Variants in DDX11 observed in about 807,000 individuals in gnomAD.
DDX11 encodes the protein DEAD/H-box helicase 11.
DDX11 carries 72 observed loss-of-function variants against 125.2 expected under a neutral mutation model. The observed-to-expected ratio is 0.58, with a 90% CI of 0.48 to 0.70. The LOEUF (loss-of-function observed/expected upper bound fraction) is 0.70, where lower values mean the gene tolerates loss of function less well. Ranked by LOEUF, DDX11 falls within the 30% of genes least tolerant of loss-of-function variation. The pLI, the probability that DDX11 is intolerant of heterozygous loss-of-function variation, is 0.00. For synonymous variants in DDX11, 347 were observed against 452.6 expected, an observed-to-expected ratio of 0.77 and a Z score of 2.96; for missense variants, 883 against 1,165.0, an observed-to-expected ratio of 0.76 and a Z score of 3.52.
intron 1 of DDX11, among the ~76,000 whole-genome samples, chr12:31,077,574 G>A (rs1940914507): frequency 2.0e-5 from 3 of 152,086 alleles, no homozygotes; most frequent in African/African-American, 7.2e-5. Flanking sequence ...TAGGCCGGGT[G>A]CGGTGGCTCA....
Position 31,101,951 on chromosome 12 carries a change from G to C in DDX11, c.2171G>C (p.Gly724Ala), listed in dbSNP as rs753550805. The C allele has an allele frequency of 1.2e-6, 2 of 1,613,298 alleles. No individual in the cohort carries two copies. Among genetic ancestry groups the C allele is most frequent in the Non-Finnish European group, 1.7e-6 (2 of 1,179,758 alleles). ...RQVHAHWEKG[G>A]LLGRLAARKK... is the part of the protein sequence containing the mutation. ...GTCCATGCCCACTGGGAGAAGGGTG[G>C]CCTGCTGGGCCGTCTGGCTGCCAGG... Residue 724 changes from glycine (G) to alanine (A), a missense_variant, in exon 21 of 27, where the codon GGC (glycine) becomes GCC (alanine). Physicochemically the swap from Gly to Ala is moderately conservative, Grantham distance 60 (BLOSUM62 0). Transcript: ENST00000542838.
chr12:31,102,401 A>C (rs1228037917), intron 22 of DDX11, 26 bp from the exon 23 acceptor site: 1 of 1,612,460 alleles, frequency 6.2e-7, no homozygotes, highest in African/African-American at 1.3e-5. Flanking sequence ...TGGCTCAGCA[A>C]CTCAGCGTCT....
chr12:31,077,880 A>G, intron 1 of DDX11: 1 of 265,090 alleles, frequency 3.8e-6, no homozygotes, highest in Non-Finnish European at 7.4e-6. Flanking sequence ...CGTGTATGTT[A>G]ACTTGCGCTA....
At chr12:31,098,508 A>G (rs181704995) in intron 18 of DDX11, among the ~76,000 whole-genome samples, 135 of 152,354 alleles carry the variant, frequency 8.9e-4, no homozygotes, top group African/African-American at 3.0e-3. Context: ...GCTGGATTCC[A>G]GTTACACAGA....
At chr12:31,078,624 A>AT in intron 2 of DDX11, 87 bp downstream of exon 2, 1 of 1,605,632 alleles carries the variant, frequency 6.2e-7, no homozygotes, top group Non-Finnish European at 8.5e-7. Context: ...AGAGATTTTC[A>AT]TAGTTTGAAG....
chr12:31,095,966 C>T lies in DDX11; in HGVS notation c.1483-375C>T, dbSNP rs533367825. Among the ~76,000 whole-genome samples, 25 of 152,308 alleles carry T rather than the reference C, an allele frequency of 1.6e-4. No individual in the cohort carries two copies. The South Asian group carries it at 5.0e-3, about 30-fold the overall frequency. ...CCGACTGAGTGGCACTGCCCCAGCC[C>T]CTGAGCAGGTCCCAGCCATCATCTC... On this transcript the variant is annotated intron_variant, in intron 14 of 26. Coordinates refer to ENST00000542838, the MANE Select transcript of DDX11 (RefSeq NM_030653.4).
chr12:31,091,960 T>C, intron 10 of DDX11, 89 bp downstream of exon 10: 2 of 1,578,280 alleles, frequency 1.3e-6, no homozygotes, highest in South Asian at 2.2e-5. Context: ...CAAGAGTTCC[T>C]CCGGAGGTGG....
Position 31,101,751 on chromosome 12 carries a change from G to A in DDX11, c.2053-82G>A. The A allele has an allele frequency of 1.9e-6, 3 of 1,584,388 alleles. No individual in the cohort carries two copies. The East Asian group carries it at 6.7e-5, about 36-fold the overall frequency. ...GCCGAGGGTCTCTCCTCAGTTTTGA[G>A]TCTCAAGGTGAAGACGCGGTTTGTG... On this transcript the variant is annotated intron_variant, in intron 20 of 26. Coordinates refer to ENST00000542838, the MANE Select transcript of DDX11 (RefSeq NM_030653.4).
chr12:31,084,455 T>C (rs1592628108), intron 3 of DDX11, 128 bp from the exon 4 acceptor site: 1 of 876,720 alleles, frequency 1.1e-6, no homozygotes, highest in East Asian at 2.6e-5. Flanking sequence ...GCGGCAGCCC[T>C]TGAGTGCTGG....
intron 18 of DDX11, among the ~76,000 whole-genome samples, chr12:31,099,522 C>G (rs1946012312): frequency 1.3e-5 from 2 of 150,932 alleles, no homozygotes; most frequent in African/African-American, 4.9e-5. Flanking sequence ...GTTTTGAAAT[C>G]ATAGTACCAA....
intron 1 of DDX11, among the ~76,000 whole-genome samples, chr12:31,077,586 G>A (rs1298283020): frequency 6.6e-6 from 1 of 151,978 alleles, no homozygotes; most frequent in Non-Finnish European, 1.5e-5. Flanking sequence ...GGTGGCTCAC[G>A]CCTGTAATCC....
intron 15 of DDX11, 75 bp from the exon 16 acceptor site, chr12:31,096,562 A>G: frequency 6.3e-7 from 1 of 1,589,554 alleles, no homozygotes; most frequent in South Asian, 1.1e-5. Flanking sequence ...GGCCTGGCAG[A>G]GCCTCCGATC....
intron 1 of DDX11, 186 bp downstream of exon 1, chr12:31,074,277 GCTGTGTTGAGCTTTTCATGGATTAT>G (rs1940380224): frequency 6.6e-6 from 1 of 152,270 alleles, no homozygotes; most frequent in African/African-American, 2.4e-5. Flanking sequence ...ATTTGGCCCA[GCTGTGTTGAGCTTTTCATGGATTAT>G]CTTACGTAGA....
chr12:31,093,451 C>T (rs779980581), intron 12 of DDX11, 127 bp downstream of exon 12: 1 of 1,290,830 alleles, frequency 7.7e-7, no homozygotes, highest in South Asian at 1.3e-5. Context: ...TGCGGTGGCT[C>T]ACGCCTGTAA....
At position 31,103,682 on chromosome 12, in the gene DDX11, G is replaced by C; in HGVS notation, c.2642G>C (p.Arg881Pro). 2 of 1,613,996 alleles carry C rather than the reference G, an allele frequency of 1.2e-6. No homozygotes were observed. The highest frequency in any genetic ancestry group is 1.7e-6 in the Non-Finnish European group (2 of 1,179,996). Reference protein sequence around the residue: ...LAKLPAWIRARVEVKATFGPA... With the variant: ...LAKLPAWIRAPVEVKATFGPA... ...AAGCTGCCGGCCTGGATCCGAGCCC[G>C]TGTGGAGGTCAAAGCTACCTTTGGC... Residue 881 changes from arginine to proline, a missense_variant, in exon 26 of 27, where the codon CGT becomes CCT. Physicochemically the swap from Arg to Pro is moderately radical, Grantham distance 103. Around this residue, in one of 5 missense-constraint regions of DDX11, gnomAD observed 285 missense variants for 346.0 expected, o/e 0.82. Coordinates refer to ENST00000542838, the MANE Select transcript of DDX11 (RefSeq NM_030653.4).
At chr12:31,078,229 A>T in intron 1 of DDX11, 161 bp from the exon 2 acceptor site, 2 of 1,552,052 alleles carry the variant, frequency 1.3e-6, no homozygotes, top group Non-Finnish European at 1.7e-6. Context: ...CCTCACGTGG[A>T]CCTGCTGCGA....
rs144459903 is a variant in DDX11, at chr12:31,084,708, C to T, written c.480+39C>T. ...CTTGGGGGGCAGGATTATGTCCAGGCAGGGTTGCTCTGCTTGGAGGCTCAT... is the reference window on the plus strand; with the variant it reads ...CTTGGGGGGCAGGATTATGTCCAGGTAGGGTTGCTCTGCTTGGAGGCTCAT... On this transcript the variant is annotated intron_variant, in intron 4 of 26. Coordinates refer to ENST00000542838, the MANE Select transcript of DDX11 (RefSeq NM_030653.4). 9.6e-5 allele frequency: 149 copies of T among 1,556,124 alleles called. No homozygotes were observed. In the African/African-American group the frequency reaches 1.7e-3, roughly 18 times the overall value.
At chr12:31,082,018 G>A (rs1350549147) in intron 2 of DDX11, among the ~76,000 whole-genome samples, 1 of 113,956 alleles carries the variant, frequency 8.8e-6, no homozygotes, top group African/African-American at 3.9e-5. Context: ...CGCCCTCCAG[G>A]TGCTGCTGGG....
At position 31,091,469 on chromosome 12, in the gene DDX11, G is replaced by A. The variant is rs368230143; in HGVS notation, c.1090-250G>A. Reference sequence around the variant, plus strand: ...AGGACATGGACAAGGCTAAGCAGGGGTTCCCTTCACCCAGCCCTGCCCTTG... The same window carrying A: ...AGGACATGGACAAGGCTAAGCAGGGATTCCCTTCACCCAGCCCTGCCCTTG... On this transcript the variant is annotated intron_variant, in intron 9 of 26. Transcript: ENST00000542838. 7.3e-3 allele frequency: 3,740 copies of A among 512,154 alleles called. 111 individuals are homozygous for A. The South Asian group carries it at 0.076, about 10-fold the overall frequency. 31.7% of individuals were successfully genotyped at this position (512,154 alleles called of 1,614,324 possible).
Sources: allele counts gnomAD v4.1 joint callset (sites outside exome capture counted in the v4.1 genomes callset), GRCh38; gene constraint gnomAD v4.1.1; regional missense constraint gnomAD v4.1.1; transcripts MANE v1.5; gene names NCBI Gene and HGNC (gene_info 2026-07-23, HGNC 2026-07-21).